Variants in MACROD2 observed in about 807,000 individuals in gnomAD.
MACROD2 encodes the protein ADP-ribose glycohydrolase MACROD2.
A neutral mutation model predicts 70.4 loss-of-function variants in MACROD2; 36 were observed. The ratio of observed to expected loss-of-function variants is 0.51; its 90% CI spans 0.39 to 0.68. The LOEUF is 0.68. MACROD2 is among the 30% of genes least tolerant of loss of function. The pLI, the probability that MACROD2 is intolerant of heterozygous loss-of-function variation, is 0.00. For missense variants in MACROD2, 496 were observed against 538.4 expected (o/e 0.92, Z 0.78); for synonymous variants, 172 against 178.8 (o/e 0.96, Z 0.30).
intron 4 of MACROD2, among the ~76,000 whole-genome samples, chr20:14,515,238 A>G (rs6105282): frequency 0.22 from 33,122 of 152,010 alleles, 4,153 homozygotes; most frequent in South Asian, 0.32. Flanking sequence ...ATCGAAAAAA[A>G]TCCACTTAAT....
At chr20:15,227,061 G>C (rs1352125660) in intron 5 of MACROD2, among the ~76,000 whole-genome samples, 1 of 152,074 alleles carries the variant, frequency 6.6e-6, no homozygotes, top group Non-Finnish European at 1.5e-5. Flanking sequence ...GATCTGAGAG[G>C]TCATCATGTT....
chr20:14,140,332 G>A (rs2054854000), intron 3 of MACROD2, among the ~76,000 whole-genome samples: 2 of 152,172 alleles, frequency 1.3e-5, no homozygotes, highest in Admixed American at 6.5e-5. Context: ...ATAAAAACAT[G>A]TAAATGATAA....
At chr20:14,701,226 C>G (rs1469073916) in intron 5 of MACROD2, among the ~76,000 whole-genome samples, 1 of 152,128 alleles carries the variant, frequency 6.6e-6, no homozygotes, top group African/African-American at 2.4e-5. Context: ...CCATATGTCA[C>G]TGCTATCTAT....
intron 7 of MACROD2, among the ~76,000 whole-genome samples, chr20:15,446,118 C>G (rs1173886032): frequency 2.0e-5 from 3 of 152,142 alleles, no homozygotes; most frequent in Non-Finnish European, 4.4e-5. Context: ...TTCTCTAGGT[C>G]CCCATTCTCT....
intron 8 of MACROD2, among the ~76,000 whole-genome samples, chr20:15,760,540 G>T (rs775160538): frequency 6.6e-6 from 1 of 152,048 alleles, no homozygotes; most frequent in East Asian, 1.9e-4. Context: ...GGCACTGCAC[G>T]GCAACCCCAC....
chr20:15,252,170 T>A (rs1016535820), intron 6 of MACROD2, among the ~76,000 whole-genome samples: 2 of 152,218 alleles, frequency 1.3e-5, no homozygotes, highest in Non-Finnish European at 2.9e-5. Context: ...TAGGCTTCTG[T>A]TTTATGTGTA....
intron 8 of MACROD2, among the ~76,000 whole-genome samples, chr20:15,806,462 C>G (rs556649054): frequency 5.7e-4 from 87 of 152,254 alleles, no homozygotes; most frequent in African/African-American, 2.0e-3. Context: ...CACAAGGCTC[C>G]CCTGACTTTT....
At chr20:15,265,648 A>G (rs1194305392) in intron 6 of MACROD2, among the ~76,000 whole-genome samples, 1 of 152,208 alleles carries the variant, frequency 6.6e-6, no homozygotes, top group African/African-American at 2.4e-5. Flanking sequence ...AAATATGCCA[A>G]CTGCACTTGC....
At chr20:14,849,442 G>A (rs1168324073) in intron 5 of MACROD2, among the ~76,000 whole-genome samples, 3 of 152,052 alleles carry the variant, frequency 2.0e-5, no homozygotes, top group Admixed American at 2.0e-4. Flanking sequence ...GCAGCAGTAG[G>A]GAGTGAAGTC....
chr20:14,767,498 A>G (rs2072106396), intron 5 of MACROD2, among the ~76,000 whole-genome samples: 1 of 151,974 alleles, frequency 6.6e-6, no homozygotes, highest in South Asian at 2.1e-4. Flanking sequence ...CCTGAAGACA[A>G]TACATATATA....
chr20:14,648,168 A>G (rs1452030095), intron 4 of MACROD2, among the ~76,000 whole-genome samples: 1 of 152,192 alleles, frequency 6.6e-6, no homozygotes, highest in African/African-American at 2.4e-5. Flanking sequence ...ATTATAACTC[A>G]AAATCTTGGC....
chr20:15,916,431 C>CT (rs2065316847), intron 10 of MACROD2, among the ~76,000 whole-genome samples: 1 of 152,208 alleles, frequency 6.6e-6, no homozygotes, highest in Non-Finnish European at 1.5e-5. Flanking sequence ...TTCATTAGAA[C>CT]TGAGTCCCTA....
intron 5 of MACROD2, among the ~76,000 whole-genome samples, chr20:14,972,887 C>A (rs984028267): frequency 1.1e-4 from 16 of 152,164 alleles, no homozygotes; most frequent in African/African-American, 2.9e-4. Context: ...AGTGGCGTGT[C>A]ATCTAAAACT....
intron 6 of MACROD2, among the ~76,000 whole-genome samples, chr20:15,309,400 G>C (rs1388576683): frequency 6.6e-6 from 1 of 152,148 alleles, no homozygotes; most frequent in Admixed American, 6.5e-5. Flanking sequence ...ACTGATAGCT[G>C]ATGATTACCA....
chr20:15,666,639 A>G (rs976137918), intron 8 of MACROD2, among the ~76,000 whole-genome samples: 6 of 152,210 alleles, frequency 3.9e-5, no homozygotes, highest in African/African-American at 1.2e-4. Flanking sequence ...CAGTCAATAC[A>G]TGAGTTTTAA....
chr20:15,039,660 A>G (rs2075340232), intron 5 of MACROD2, among the ~76,000 whole-genome samples: 1 of 151,770 alleles, frequency 6.6e-6, no homozygotes, highest in South Asian at 2.1e-4. Flanking sequence ...AGACAACTAA[A>G]CAGAAAGCGA....
intron 8 of MACROD2, among the ~76,000 whole-genome samples, chr20:15,652,471 A>G (rs6514589): frequency 0.2 from 29,724 of 152,114 alleles, 5,728 homozygotes; most frequent in African/African-American, 0.49. Flanking sequence ...TAATATAGAA[A>G]AGATCGAAAA....
chr20:15,700,565 G>A (rs1353024155), intron 8 of MACROD2, among the ~76,000 whole-genome samples: 1 of 152,146 alleles, frequency 6.6e-6, no homozygotes, highest in East Asian at 1.9e-4. Flanking sequence ...GATTATATGT[G>A]AGGCATATTT....
chr20:15,437,527 G>T (rs949230038), intron 7 of MACROD2, among the ~76,000 whole-genome samples: 1 of 152,140 alleles, frequency 6.6e-6, no homozygotes, highest in African/African-American at 2.4e-5. Flanking sequence ...TTAGGTTTGG[G>T]GGTACATGTG....
Sources: gnomAD v4.1 joint callset for allele counts (sites outside exome capture counted in the v4.1 genomes callset) on GRCh38, gnomAD v4.1.1 for gene constraint, MANE v1.5 for transcripts, NCBI Gene and HGNC (gene_info 2026-07-23, HGNC 2026-07-21) for gene names.